IGF2BP2: variants seen among roughly 807,000 people sequenced by gnomAD.
The protein encoded by IGF2BP2 is insulin like growth factor 2 mRNA binding protein 2.
IGF2BP2 carries 17 observed loss-of-function variants against 75.8 expected under a neutral mutation model. That is an observed-to-expected ratio of 0.22 (90% CI 0.15 to 0.34). IGF2BP2 has a LOEUF of 0.34. IGF2BP2 is among the 10% of genes least tolerant of loss of function. The probability of loss-of-function intolerance (pLI) is 1.00; values close to 1 mark genes in which losing one functional copy is unlikely to be tolerated. For missense variants in IGF2BP2, 516 were observed against 772.4 expected (o/e 0.67, Z 3.93); for synonymous variants, 288 against 295.6 (o/e 0.97, Z 0.26).
At chr3:185,762,057 T>G (rs1732439544) in intron 2 of IGF2BP2, among the ~76,000 whole-genome samples, 1 of 152,100 alleles carries the variant, frequency 6.6e-6, no homozygotes, top group Non-Finnish European at 1.5e-5. Flanking sequence ...GTTTTGTTAG[T>G]GTTGGGTGGT....
chr3:185,694,099 G>C (rs928330968), intron 4 of IGF2BP2, among the ~76,000 whole-genome samples: 3 of 152,180 alleles, frequency 2.0e-5, no homozygotes, highest in Non-Finnish European at 4.4e-5. Context: ...AGAAAGAGCT[G>C]CCACTGAGAA....
chr3:185,784,062 C>T (rs1037105701), intron 2 of IGF2BP2, among the ~76,000 whole-genome samples: 5 of 152,114 alleles, frequency 3.3e-5, no homozygotes, highest in East Asian at 1.9e-4. Context: ...TGGTGAACTT[C>T]GTCTCTACTG....
intron 2 of IGF2BP2, chr3:185,814,125 GAAGATGTAC>G (rs1252621631): frequency 2.0e-5 from 3 of 152,122 alleles, no homozygotes; most frequent in African/African-American, 7.2e-5. Context: ...AGAAAATGCA[GAAGATGTAC>G]ACATGGTTTA....
intron 2 of IGF2BP2, among the ~76,000 whole-genome samples, chr3:185,723,222 A>G (rs541388354): frequency 1.3e-5 from 2 of 152,312 alleles, no homozygotes; most frequent in Admixed American, 6.5e-5. Context: ...AAAATTACGC[A>G]AACAGCTAAG....
At chr3:185,662,125 A>C (rs986523387) in intron 10 of IGF2BP2, among the ~76,000 whole-genome samples, 1 of 152,176 alleles carries the variant, frequency 6.6e-6, no homozygotes, top group Admixed American at 6.5e-5. Flanking sequence ...CACAGGAATG[A>C]AAGATCACTG....
chr3:185,696,438 G>A (rs903516522), intron 4 of IGF2BP2, 174 bp downstream of exon 4: 7 of 601,508 alleles, frequency 1.2e-5, no homozygotes, highest in African/African-American at 1.1e-4. Context: ...GAAAGAGACA[G>A]ATATCTCTCA....
At chr3:185,691,420 C>A (rs1187738032) in intron 5 of IGF2BP2, among the ~76,000 whole-genome samples, 1 of 151,820 alleles carries the variant, frequency 6.6e-6, no homozygotes, top group Non-Finnish European at 1.5e-5. Context: ...TTTTTCAATG[C>A]AAAATTAACA....
At chr3:185,779,638 A>G (rs1260426939) in intron 2 of IGF2BP2, among the ~76,000 whole-genome samples, 1 of 152,172 alleles carries the variant, frequency 6.6e-6, no homozygotes, top group African/African-American at 2.4e-5. Flanking sequence ...CCCAGGCCTC[A>G]TTCCAAACTT....
intron 7 of IGF2BP2, 97 bp from the exon 8 acceptor site, chr3:185,676,010 T>C (rs754992458): frequency 6.1e-6 from 9 of 1,467,786 alleles, no homozygotes; most frequent in Non-Finnish European, 8.3e-6. Flanking sequence ...TGGAAGTCAT[T>C]TTGTTCAGGT....
rs564927586 is a variant in IGF2BP2, at chr3:185,676,365, G to C, written c.813-452C>G. ...AAGATCAGCTGAGAAGCTATAATAT[G>C]AAGTCCGCTGTAAACTAAAGAGGAA... On this transcript the variant is annotated intron_variant, in intron 7 of 15. Coordinates refer to ENST00000382199, the MANE Select transcript of IGF2BP2 (RefSeq NM_006548.6). Among the ~76,000 whole-genome samples, 24 of 152,268 alleles carry C rather than the reference G, an allele frequency of 1.6e-4. No homozygotes were observed. In the South Asian group the frequency reaches 5.0e-3, roughly 32 times the overall value.
chr3:185,675,958 G>T (rs375816375), intron 7 of IGF2BP2, 45 bp from the exon 8 acceptor site: 1 of 1,592,276 alleles, frequency 6.3e-7, no homozygotes, highest in Non-Finnish European at 8.5e-7. Context: ...TACGTATAAC[G>T]GTTGTCTCCC....
At chr3:185,787,531 G>C (rs905444844) in intron 2 of IGF2BP2, among the ~76,000 whole-genome samples, 4 of 152,034 alleles carry the variant, frequency 2.6e-5, no homozygotes, top group African/African-American at 9.7e-5. Flanking sequence ...TCAGGAGTTC[G>C]AGACCAGCCT....
intron 15 of IGF2BP2, among the ~76,000 whole-genome samples, chr3:185,646,655 G>A (rs957742725): frequency 6.6e-6 from 1 of 152,222 alleles, no homozygotes; most frequent in Non-Finnish European, 1.5e-5. Flanking sequence ...GGAATCCAGA[G>A]GGTGGGCTTG....
chr3:185,775,225 C>G (rs1242841208), intron 2 of IGF2BP2, among the ~76,000 whole-genome samples: 1 of 152,194 alleles, frequency 6.6e-6, no homozygotes, highest in East Asian at 1.9e-4. Context: ...CTTGTGAGAG[C>G]TCAGTAAATG....
chr3:185,823,085 CTGTG>C, intron 2 of IGF2BP2, 64 bp downstream of exon 2: 1 of 1,004,788 alleles, frequency 1.0e-6, no homozygotes, highest in Non-Finnish European at 1.5e-6. Context: ...TTTTTTAAAG[CTGTG>C]TGTACGTTTT....
chr3:185,708,852 ATGTAAGGC>A (rs992270917), intron 2 of IGF2BP2, among the ~76,000 whole-genome samples: 15 of 152,318 alleles, frequency 9.8e-5, no homozygotes, highest in Middle Eastern at 3.4e-3. Context: ...AGACTTTGAG[ATGTAAGGC>A]TGAGTTGTTA....
intron 2 of IGF2BP2, among the ~76,000 whole-genome samples, chr3:185,745,182 G>A (rs973755142): frequency 5.3e-5 from 8 of 152,108 alleles, no homozygotes; most frequent in African/African-American, 1.4e-4. Context: ...AACTGTGAAA[G>A]ACAATCTACC....
intron 2 of IGF2BP2, chr3:185,724,679 T>G (rs1727062511): frequency 6.6e-6 from 1 of 152,204 alleles, no homozygotes; most frequent in Non-Finnish European, 1.5e-5. Flanking sequence ...TGTTCTAGTG[T>G]TCTAATTAAA....
chr3:185,754,925 C>T (rs796072981), intron 2 of IGF2BP2, among the ~76,000 whole-genome samples: 43 of 152,230 alleles, frequency 2.8e-4, no homozygotes, highest in African/African-American at 9.4e-4. Flanking sequence ...TAAAGTGGAA[C>T]TTATATTTAA....
Sources: gnomAD v4.1 joint callset for allele counts (sites outside exome capture counted in the v4.1 genomes callset) on GRCh38, gnomAD v4.1.1 for gene constraint, MANE v1.5 for transcripts, NCBI Gene and HGNC (gene_info 2026-07-23, HGNC 2026-07-21) for gene names.